The following HDAC9 variants were observed in gnomAD, a reference collection of about 807,000 sequenced individuals.
HDAC9 encodes the protein histone deacetylase 9.
Under a neutral mutation model 139.4 loss-of-function variants are expected in HDAC9, and 41 were observed. That is an observed-to-expected ratio of 0.29 (90% CI 0.23 to 0.38). The LOEUF is 0.38. Among genes scored for constraint, HDAC9 ranks in the 10% least tolerant of loss-of-function variants. The pLI, the probability that HDAC9 is intolerant of heterozygous loss-of-function variation, is 1.00. For synonymous variants in HDAC9, 517 were observed against 476.2 expected, an observed-to-expected ratio of 1.09 and a Z score of -1.12; for missense variants, 1,147 against 1,297.0, an observed-to-expected ratio of 0.88 and a Z score of 1.78.
intron 2 of HDAC9, among the ~76,000 whole-genome samples, chr7:18,536,550 C>G (rs1233843894): frequency 6.6e-6 from 1 of 152,162 alleles, no homozygotes; most frequent in African/African-American, 2.4e-5. Context: ...TCAATATATT[C>G]TATTTAAGAA....
intron 21 of HDAC9, among the ~76,000 whole-genome samples, chr7:18,838,193 A>G (rs967607582): frequency 2.6e-5 from 4 of 152,050 alleles, no homozygotes; most frequent in African/African-American, 9.7e-5. Flanking sequence ...CACATATTAT[A>G]TGCTGGGCAC....
At chr7:18,552,340 G>C (rs936826114) in intron 2 of HDAC9, among the ~76,000 whole-genome samples, 1 of 151,596 alleles carries the variant, frequency 6.6e-6, no homozygotes, top group African/African-American at 2.4e-5. Context: ...TTTTTGGTGT[G>C]TATTTATATT....
chr7:18,814,994 G>A (rs1794456426), intron 17 of HDAC9, among the ~76,000 whole-genome samples: 1 of 150,946 alleles, frequency 6.6e-6, no homozygotes, highest in Non-Finnish European at 1.5e-5. Flanking sequence ...ACTGTTGATT[G>A]AAGGCACATC....
intron 2 of HDAC9, among the ~76,000 whole-genome samples, chr7:18,252,710 C>G (rs1794992589): frequency 9.9e-6 from 1 of 100,780 alleles, no homozygotes; most frequent in African/African-American, 3.5e-5. Context: ...AACCTGAAAT[C>G]ACATACTTTT....
intron 1 of HDAC9, among the ~76,000 whole-genome samples, chr7:18,435,516 A>G (rs556349621): frequency 6.6e-6 from 1 of 152,304 alleles, no homozygotes; most frequent in South Asian, 2.1e-4. Flanking sequence ...AAGGTATTGG[A>G]AAACTTTGCT....
At chr7:18,906,599 G>C (rs1022968345) in intron 22 of HDAC9, among the ~76,000 whole-genome samples, 1 of 152,162 alleles carries the variant, frequency 6.6e-6, no homozygotes, top group Non-Finnish European at 1.5e-5. Context: ...GAAAATGATG[G>C]TAAAGAGATT....
intron 22 of HDAC9, among the ~76,000 whole-genome samples, chr7:18,878,442 T>C (rs889466331): frequency 3.3e-5 from 5 of 152,152 alleles, no homozygotes; most frequent in African/African-American, 1.2e-4. Flanking sequence ...ATTCCTTTAA[T>C]AAACATTTTA....
intron 1 of HDAC9, among the ~76,000 whole-genome samples, chr7:18,128,175 G>A (rs779140632): frequency 6.6e-6 from 1 of 152,044 alleles, no homozygotes; most frequent in African/African-American, 2.4e-5. Flanking sequence ...TAGGAAACTT[G>A]TACCTTTACC....
intron 22 of HDAC9, among the ~76,000 whole-genome samples, chr7:18,881,959 CAG>C (rs1359623222): frequency 6.6e-6 from 1 of 152,072 alleles, no homozygotes; most frequent in Non-Finnish European, 1.5e-5. Flanking sequence ...AGGGTGAACA[CAG>C]GGGAATACTA....
At chr7:18,549,568 T>A (rs962646127) in intron 2 of HDAC9, among the ~76,000 whole-genome samples, 3 of 152,174 alleles carry the variant, frequency 2.0e-5, no homozygotes, top group African/African-American at 7.2e-5. Context: ...AGTTTACATA[T>A]GGTATGCTTC....
At chr7:18,320,407 G>A (rs1310314236) in intron 1 of HDAC9, among the ~76,000 whole-genome samples, 2 of 152,176 alleles carry the variant, frequency 1.3e-5, no homozygotes, top group Non-Finnish European at 2.9e-5. Flanking sequence ...AATAATGACT[G>A]AGGGAATAAA....
chr7:18,241,572 T>C (rs776676521), intron 2 of HDAC9, among the ~76,000 whole-genome samples: 2 of 152,130 alleles, frequency 1.3e-5, no homozygotes, highest in African/African-American at 4.8e-5. Flanking sequence ...AAATAAAATG[T>C]TTCCTATTTT....
At chr7:18,489,965 G>C (rs112610175) in intron 1 of HDAC9, among the ~76,000 whole-genome samples, 1 of 151,922 alleles carries the variant, frequency 6.6e-6, no homozygotes, top group East Asian at 1.9e-4. Context: ...GCTCTCATTC[G>C]CAAGCTAGAG....
rs548835546 is a variant in HDAC9, at chr7:18,281,364, G to T, written c.25+119015G>T. Among the ~76,000 whole-genome samples, 402 of 152,262 alleles carry T rather than the reference G, an allele frequency of 2.6e-3. 1 individual carries two copies. Among genetic ancestry groups the T allele is most frequent in the Non-Finnish European group, 4.7e-3 (317 of 68,024 alleles). ...CATGGGTTTTGCAGCCAGTCTTCCTGTTCAGATTTACTCTGCTTAAGTACT... is the reference window on the plus strand; with the variant it reads ...CATGGGTTTTGCAGCCAGTCTTCCTTTTCAGATTTACTCTGCTTAAGTACT... On this transcript the variant is annotated intron_variant, in intron 2 of 12. Transcript: ENST00000417496.
At chr7:18,139,342 G>T (rs930276229) in intron 1 of HDAC9, among the ~76,000 whole-genome samples, 1 of 152,026 alleles carries the variant, frequency 6.6e-6, no homozygotes, top group Non-Finnish European at 1.5e-5. Flanking sequence ...GCCCAGGCTG[G>T]TCTGGAACTC....
chr7:18,686,677 C>G (rs1562851752), intron 12 of HDAC9, among the ~76,000 whole-genome samples: 2 of 151,854 alleles, frequency 1.3e-5, no homozygotes, highest in Non-Finnish European at 2.9e-5. Context: ...TCACAAATGG[C>G]TGAAGTCTCT....
intron 1 of HDAC9, among the ~76,000 whole-genome samples, chr7:18,323,636 G>GA (rs1349090554): frequency 6.6e-6 from 1 of 152,124 alleles, no homozygotes; most frequent in East Asian, 1.9e-4. Context: ...AAGTTTTGGG[G>GA]ATCAACAATG....
intron 2 of HDAC9, among the ~76,000 whole-genome samples, chr7:18,249,502 C>CAAAAAAAA (rs3058733): frequency 3.4e-5 from 2 of 58,588 alleles, no homozygotes; most frequent in African/African-American, 9.4e-5. Flanking sequence ...GACTCTGTCT[C>CAAAAAAAA]AAAAAAAAAA....
intron 12 of HDAC9, among the ~76,000 whole-genome samples, chr7:18,696,716 C>T (rs1037393257): frequency 6.6e-6 from 1 of 152,128 alleles, no homozygotes; most frequent in Non-Finnish European, 1.5e-5. Context: ...GATCAGCCCA[C>T]CTCGGCCTCC....
Sources: allele counts gnomAD v4.1 joint callset (sites outside exome capture counted in the v4.1 genomes callset), GRCh38; gene constraint gnomAD v4.1.1; transcripts MANE v1.5; gene names NCBI Gene and HGNC (gene_info 2026-07-23, HGNC 2026-07-21).